The following LINGO2 variants were observed in gnomAD, a reference collection of about 807,000 sequenced individuals.
LINGO2 encodes the protein leucine-rich repeat and immunoglobulin-like domain-containing nogo receptor-interacting protein 2.
In LINGO2, 14 loss-of-function variants were observed where a neutral mutation model predicts 30.6. The ratio of observed to expected loss-of-function variants is 0.46; its 90% CI spans 0.30 to 0.72. LINGO2 has a LOEUF of 0.72. Ranked by LOEUF, LINGO2 falls within the 30% of genes least tolerant of loss-of-function variation. The probability of loss-of-function intolerance (pLI) is 0.07; values close to 1 mark genes in which losing one functional copy is unlikely to be tolerated. For synonymous variants in LINGO2, 317 were observed against 288.5 expected, an observed-to-expected ratio of 1.10 and a Z score of -1.00; for missense variants, 729 against 751.7, an observed-to-expected ratio of 0.97 and a Z score of 0.35.
chr9:28,837,649 A>AATAAATATATATATATATAT, the LINGO2 span, among the ~76,000 whole-genome samples: 2 of 75,792 alleles, frequency 2.6e-5, no homozygotes, highest in African/African-American at 1.0e-4. Context: ...CTCCGTCTAA[A>AATAAATATATATATATATAT]ATATATATAT....
intron 4 of LINGO2, among the ~76,000 whole-genome samples, chr9:28,042,709 T>G (rs944584458): frequency 6.6e-6 from 1 of 152,222 alleles, no homozygotes; most frequent in Non-Finnish European, 1.5e-5. Context: ...ATCAAGATAA[T>G]GTACTTGCTT....
intron 1 of LINGO2, among the ~76,000 whole-genome samples, chr9:28,604,270 G>A (rs12344656): frequency 0.43 from 65,556 of 151,574 alleles, 14,911 homozygotes; most frequent in African/African-American, 0.57. Flanking sequence ...AAGAAGGCAT[G>A]TAAAGATAGA....
the LINGO2 span, among the ~76,000 whole-genome samples, chr9:28,840,310 C>T: frequency 1.3e-5 from 2 of 151,916 alleles, no homozygotes; most frequent in Non-Finnish European, 2.9e-5. Flanking sequence ...ACCTCCCCTG[C>T]TGCAGCCGGC....
At chr9:28,453,798 C>T (rs1367316527) in intron 2 of LINGO2, among the ~76,000 whole-genome samples, 2 of 151,974 alleles carry the variant, frequency 1.3e-5, no homozygotes, top group Non-Finnish European at 2.9e-5. Context: ...CAGCACATGA[C>T]TCAAAAAGCT....
intron 1 of LINGO2, among the ~76,000 whole-genome samples, chr9:28,573,556 T>A (rs934511607): frequency 1.3e-5 from 2 of 152,140 alleles, no homozygotes; most frequent in Non-Finnish European, 2.9e-5. Flanking sequence ...TGCAGGAACA[T>A]GACTATTTTC....
At chr9:28,276,842 T>G (rs963072017) in intron 4 of LINGO2, among the ~76,000 whole-genome samples, 2 of 152,216 alleles carry the variant, frequency 1.3e-5, no homozygotes, top group African/African-American at 2.4e-5. Flanking sequence ...TAATACCTTT[T>G]AGATGGATGA....
intron 5 of LINGO2, among the ~76,000 whole-genome samples, chr9:27,967,710 C>G (rs1306727533): frequency 6.6e-6 from 1 of 152,094 alleles, no homozygotes; most frequent in Non-Finnish European, 1.5e-5. Flanking sequence ...GTATTTAACT[C>G]TGTGTGCATG....
chr9:27,997,469 T>C (rs1451207450), intron 5 of LINGO2, among the ~76,000 whole-genome samples: 1 of 152,198 alleles, frequency 6.6e-6, no homozygotes, highest in African/African-American at 2.4e-5. Context: ...ACAAGCTGTG[T>C]GACCCTGGAC....
chr9:28,666,036 C>T (rs922365950), intron 1 of LINGO2, among the ~76,000 whole-genome samples: 1 of 151,852 alleles, frequency 6.6e-6, no homozygotes, highest in African/African-American at 2.4e-5. Flanking sequence ...GGATTACACA[C>T]ATGCACCACG....
At chr9:29,194,234 G>A in the LINGO2 span, among the ~76,000 whole-genome samples, 12 of 152,140 alleles carry the variant, frequency 7.9e-5, no homozygotes, top group Admixed American at 7.9e-4. Context: ...TCCAAGTCAT[G>A]CACCTCCTTT....
chr9:28,548,528 AC>A (rs1473619599), intron 1 of LINGO2, among the ~76,000 whole-genome samples: 1 of 151,558 alleles, frequency 6.6e-6, no homozygotes, highest in Non-Finnish European at 1.5e-5. Flanking sequence ...ACATGGTGAA[AC>A]CCTGTCTCTA....
chr9:28,845,794 A>T, the LINGO2 span, among the ~76,000 whole-genome samples: 8 of 145,044 alleles, frequency 5.5e-5, no homozygotes, highest in African/African-American at 2.3e-4. Flanking sequence ...ATAAAAAAAT[A>T]AAATGTTTTA....
intron 1 of LINGO2, among the ~76,000 whole-genome samples, chr9:28,617,132 G>C (rs1826163996): frequency 6.6e-6 from 1 of 151,962 alleles, no homozygotes; most frequent in African/African-American, 2.4e-5. Flanking sequence ...TGGAGTTATA[G>C]GATTTAGCTA....
the LINGO2 span, among the ~76,000 whole-genome samples, chr9:28,881,995 A>G: frequency 6.6e-6 from 1 of 152,150 alleles, no homozygotes; most frequent in African/African-American, 2.4e-5. Flanking sequence ...ATTTTGCATT[A>G]ATCTACCTGT....
chr9:28,879,648 A>G, the LINGO2 span, among the ~76,000 whole-genome samples: 2 of 152,028 alleles, frequency 1.3e-5, no homozygotes, highest in African/African-American at 4.8e-5. Flanking sequence ...ACACTTTTGC[A>G]AACAACCACC....
At chr9:28,689,988 G>A in the LINGO2 span, among the ~76,000 whole-genome samples, 384 of 152,154 alleles carry the variant, frequency 2.5e-3, 3 homozygotes, top group Non-Finnish European at 2.5e-3. Flanking sequence ...ACCAAACACC[G>A]CATGTTCTCA....
the LINGO2 span, among the ~76,000 whole-genome samples, chr9:28,928,416 G>A: frequency 5.9e-5 from 9 of 152,118 alleles, no homozygotes; most frequent in East Asian, 1.2e-3. Context: ...TTACTCAGTC[G>A]TTACGATAGT....
chr9:28,597,343 C>A (rs1274622995), intron 1 of LINGO2, among the ~76,000 whole-genome samples: 1 of 152,144 alleles, frequency 6.6e-6, no homozygotes, highest in Non-Finnish European at 1.5e-5. Context: ...GAAATGCAAT[C>A]AGAAGTGCCG....
chr9:28,720,112 T>A, the LINGO2 span, among the ~76,000 whole-genome samples: 1 of 152,064 alleles, frequency 6.6e-6, no homozygotes, highest in Non-Finnish European at 1.5e-5. Flanking sequence ...GTCATCCCCC[T>A]ACTAAAGTAC....
Sources: gnomAD v4.1 joint callset for allele counts (sites outside exome capture counted in the v4.1 genomes callset) on GRCh38, gnomAD v4.1.1 for gene constraint, MANE v1.5 for transcripts, NCBI Gene and HGNC (gene_info 2026-07-23, HGNC 2026-07-21) for gene names.